SYN3: variants seen among roughly 807,000 people sequenced by gnomAD.
The protein encoded by SYN3 is synapsin-3.
A neutral mutation model predicts 65.8 loss-of-function variants in SYN3; 35 were observed. The ratio of observed to expected loss-of-function variants is 0.53; its 90% CI spans 0.41 to 0.70. The LOEUF is 0.70. SYN3 is among the 30% of genes least tolerant of loss of function. SYN3 has a pLI of 0.00. For synonymous variants in SYN3, 270 were observed against 292.9 expected (o/e 0.92, Z 0.80); for missense variants, 680 against 749.0 (o/e 0.91, Z 1.08).
At chr22:32,710,001 A>C (rs5754228) in intron 6 of SYN3, among the ~76,000 whole-genome samples, 150,402 of 150,934 alleles carry the variant, frequency 1, 74,936 homozygotes, top group East Asian at 1. Context: ...AATCTTCATA[A>C]CCTGGACTGA....
At chr22:32,835,642 C>T (rs943932254) in intron 6 of SYN3, among the ~76,000 whole-genome samples, 1 of 152,074 alleles carries the variant, frequency 6.6e-6, no homozygotes, top group African/African-American at 2.4e-5. Flanking sequence ...CCAGGGCTGC[C>T]GATCAGATGT....
intron 6 of SYN3, among the ~76,000 whole-genome samples, chr22:32,751,873 G>A (rs2045137496): frequency 6.6e-6 from 1 of 152,176 alleles, no homozygotes; most frequent in Admixed American, 6.5e-5. Flanking sequence ...AGCATTTAGT[G>A]AGCACTTACT....
At chr22:33,046,222 T>A (rs2054061699) in intron 1 of SYN3, among the ~76,000 whole-genome samples, 1 of 152,222 alleles carries the variant, frequency 6.6e-6, no homozygotes, top group Non-Finnish European at 1.5e-5. Context: ...AACTGGAACT[T>A]TCATACGTTG....
chr22:32,769,528 T>C (rs894126684), intron 6 of SYN3, among the ~76,000 whole-genome samples: 3 of 151,922 alleles, frequency 2.0e-5, no homozygotes, highest in Non-Finnish European at 4.4e-5. Context: ...GTTTTTTTTT[T>C]TTTTGGAGAC....
intron 3 of SYN3, among the ~76,000 whole-genome samples, chr22:32,943,068 A>G (rs558158964): frequency 3.3e-5 from 5 of 152,342 alleles, no homozygotes; most frequent in African/African-American, 1.2e-4. Flanking sequence ...AAGGCAGGCC[A>G]ACATTCAAAT....
intron 4 of SYN3, among the ~76,000 whole-genome samples, chr22:32,925,357 G>C (rs960625474): frequency 4.6e-5 from 7 of 152,172 alleles, no homozygotes; most frequent in African/African-American, 1.4e-4. Flanking sequence ...CTATTTCTAA[G>C]TAAGGTCACG....
At chr22:32,579,861 CCTT>C (rs1368488697) in intron 7 of SYN3, among the ~76,000 whole-genome samples, 1 of 152,208 alleles carries the variant, frequency 6.6e-6, no homozygotes, top group Non-Finnish European at 1.5e-5. Context: ...AATGAAAACT[CCTT>C]CTGTTGTTAT....
chr22:32,657,388 G>C (rs1200945188), intron 6 of SYN3, among the ~76,000 whole-genome samples: 3 of 151,366 alleles, frequency 2.0e-5, no homozygotes, highest in East Asian at 4.0e-4. Flanking sequence ...CTCCCAAAGT[G>C]CTGGGATTAT....
At chr22:32,599,406 C>A (rs2059249428) in intron 6 of SYN3, among the ~76,000 whole-genome samples, 1 of 151,764 alleles carries the variant, frequency 6.6e-6, no homozygotes, top group Non-Finnish European at 1.5e-5. Context: ...AGTGCAAGCT[C>A]CGCCTCCCGG....
chr22:32,802,703 G>A (rs2046623120), intron 6 of SYN3, among the ~76,000 whole-genome samples: 1 of 152,160 alleles, frequency 6.6e-6, no homozygotes, highest in African/African-American at 2.4e-5. Flanking sequence ...ATTTAAGGGG[G>A]AAAATGAGGA....
At chr22:32,763,383 C>G (rs570627130) in intron 6 of SYN3, among the ~76,000 whole-genome samples, 2 of 152,022 alleles carry the variant, frequency 1.3e-5, no homozygotes, top group African/African-American at 4.8e-5. Flanking sequence ...GATCTCCTGA[C>G]CTCATGATCC....
intron 3 of SYN3, among the ~76,000 whole-genome samples, chr22:32,966,236 G>A (rs1346814448): frequency 6.6e-6 from 1 of 152,132 alleles, no homozygotes; most frequent in Non-Finnish European, 1.5e-5. Context: ...TGGAGGGGGA[G>A]GGCAGAGGAA....
Position 33,035,342 on chromosome 22 carries a change from C to G in SYN3, c.-163+22950G>C, listed in dbSNP as rs868670902. On this transcript the variant is annotated intron_variant, in intron 1 of 13. Coordinates refer to ENST00000358763, the MANE Select transcript of SYN3 (RefSeq NM_003490.4). ...TAAAAATCTCGGGACCCCCCCCCCC[C>G]CCGCCACCAAACTTCTTATGCAAAA... Among the ~76,000 whole-genome samples, 45 of 109,182 alleles carry G rather than the reference C, an allele frequency of 4.1e-4. 2 individuals carry two copies. The highest frequency in any genetic ancestry group is 1.9e-3 in the African/African-American group (39 of 20,902). The allele number at this position is 109,182 out of a possible 152,430, so 71.6% of individuals were successfully genotyped here.
At chr22:32,940,778 C>T (rs1006687694) in intron 3 of SYN3, among the ~76,000 whole-genome samples, 1 of 152,156 alleles carries the variant, frequency 6.6e-6, no homozygotes, top group African/African-American at 2.4e-5. Context: ...TGAGTCATGA[C>T]ATCAGATAGT....
intron 1 of SYN3, among the ~76,000 whole-genome samples, chr22:33,022,870 C>A (rs574058004): frequency 6.6e-6 from 1 of 152,314 alleles, no homozygotes; most frequent in Admixed American, 6.5e-5. Flanking sequence ...AAGCATTTAA[C>A]TTCCTAAGAT....
At chr22:33,012,785 A>G (rs918617829) in intron 1 of SYN3, among the ~76,000 whole-genome samples, 3 of 152,236 alleles carry the variant, frequency 2.0e-5, no homozygotes, top group African/African-American at 7.2e-5. Context: ...TCAAACCAGC[A>G]AAGCTGCAGC....
intron 3 of SYN3, among the ~76,000 whole-genome samples, chr22:32,974,003 G>T (rs2052103781): frequency 6.6e-6 from 1 of 152,014 alleles, no homozygotes; most frequent in Non-Finnish European, 1.5e-5. Flanking sequence ...TGGCTAGGCT[G>T]GTCTTGAATT....
At chr22:32,725,669 G>C (rs1014476452) in intron 6 of SYN3, among the ~76,000 whole-genome samples, 3 of 152,044 alleles carry the variant, frequency 2.0e-5, no homozygotes, top group Admixed American at 2.0e-4. Flanking sequence ...CATGCAGGCG[G>C]CCTCCAGAGC....
chr22:33,044,476 G>A (rs1261352528), intron 1 of SYN3, among the ~76,000 whole-genome samples: 1 of 152,052 alleles, frequency 6.6e-6, no homozygotes, highest in African/African-American at 2.4e-5. Context: ...GAGGTCAAGT[G>A]ACTCCCATCC....
Sources: allele counts gnomAD v4.1 joint callset (sites outside exome capture counted in the v4.1 genomes callset), GRCh38; gene constraint gnomAD v4.1.1; transcripts MANE v1.5; gene names NCBI Gene and HGNC (gene_info 2026-07-23, HGNC 2026-07-21).